The following FBXL4 variants were observed in gnomAD, a reference collection of about 807,000 sequenced individuals.
FBXL4 encodes the protein F-box/LRR-repeat protein 4.
Under a neutral mutation model 58.9 loss-of-function variants are expected in FBXL4, and 40 were observed. The ratio of observed to expected loss-of-function variants is 0.68; its 90% CI spans 0.53 to 0.88. The LOEUF is 0.88. Among genes scored for constraint, FBXL4 ranks in the 40% least tolerant of loss-of-function variants. FBXL4 has a pLI of 0.00. For synonymous variants in FBXL4, 263 were observed against 265.5 expected (o/e 0.99, Z 0.09); for missense variants, 676 against 734.4 (o/e 0.92, Z 0.92).
chr6:98,899,670 C>T (rs961837912), intron 6 of FBXL4, among the ~76,000 whole-genome samples, 189 bp from the exon 7 acceptor site: 1 of 152,044 alleles, frequency 6.6e-6, no homozygotes, highest in African/African-American at 2.4e-5. Flanking sequence ...CTAAAAAAAT[C>T]AACTTGAGAG....
chr6:98,897,228 A>C, intron 7 of FBXL4: 1 of 985,342 alleles, frequency 1.0e-6, no homozygotes, highest in Non-Finnish European at 1.2e-6. Context: ...TAAAATAGTA[A>C]ATGTGCCAGT....
chr6:98,896,706 T>TAA, intron 7 of FBXL4: 2 of 807,926 alleles, frequency 2.5e-6, no homozygotes, highest in Non-Finnish European at 3.0e-6. Context: ...GATGAGCCAA[T>TAA]AAAAAAAATT....
chr6:98,878,657 C>G (rs1770740032), intron 8 of FBXL4, among the ~76,000 whole-genome samples: 1 of 151,978 alleles, frequency 6.6e-6, no homozygotes, highest in East Asian at 1.9e-4. Context: ...ATAATTCCAA[C>G]AGTAAAGAGT....
At chr6:98,916,955 G>C (rs958545019) in intron 5 of FBXL4, among the ~76,000 whole-genome samples, 1 of 151,626 alleles carries the variant, frequency 6.6e-6, no homozygotes. Flanking sequence ...AGAAACTACA[G>C]ATTAAACAGA....
chr6:98,932,541 A>C (rs1342319608), intron 2 of FBXL4, among the ~76,000 whole-genome samples: 10 of 152,232 alleles, frequency 6.6e-5, no homozygotes. Context: ...TATGTTTCCT[A>C]CTGAGATTTG....
At chr6:98,893,086 T>C (rs1306616410) in intron 7 of FBXL4, among the ~76,000 whole-genome samples, 1 of 152,070 alleles carries the variant, frequency 6.6e-6, no homozygotes, top group East Asian at 1.9e-4. Flanking sequence ...CACCCCTGAC[T>C]CCAGATTTTT....
At chr6:98,930,296 T>C (rs1407417230) in intron 2 of FBXL4, among the ~76,000 whole-genome samples, 2 of 152,208 alleles carry the variant, frequency 1.3e-5, no homozygotes, top group African/African-American at 4.8e-5. Flanking sequence ...GGCTCACACC[T>C]GTAATCCCAG....
In FBXL4 at chr6:98,874,327, A is replaced by C; in HGVS notation, c.1817T>G (p.Leu606Arg). 1 of 1,607,306 alleles carries C rather than the reference A, an allele frequency of 6.2e-7. No homozygotes were observed. The highest frequency in any genetic ancestry group is 1.7e-5 in the Admixed American group (1 of 57,826). Residue 606 changes from leucine (L) to arginine (R), a missense_variant, in exon 10 of 10, where the codon CTG (leucine) becomes CGG (arginine). Transcript: ENST00000369244. ...SQIDNRAVLE[L>R]NASFPKVFIK... is the part of the protein sequence containing the mutation. ...GAACACTTTTGGAAAGCTTGCATTC[A>C]GTTCTAGCACAGCTCTGTTATCAAT... is the stretch of plus-strand genomic sequence containing the variant.
At chr6:98,894,272 T>C (rs781235133) in intron 7 of FBXL4, among the ~76,000 whole-genome samples, 20 of 152,158 alleles carry the variant, frequency 1.3e-4, no homozygotes, top group Admixed American at 2.6e-4. Context: ...AAGAATCTTA[T>C]GAAAAGAAAA....
At chr6:98,940,603 A>T (rs1773397694) in intron 1 of FBXL4, among the ~76,000 whole-genome samples, 1 of 152,038 alleles carries the variant, frequency 6.6e-6, no homozygotes, top group Non-Finnish European at 1.5e-5. Flanking sequence ...TCTTTAGTGC[A>T]GTGTCTATTT....
intron 1 of FBXL4, 27 bp from the exon 2 acceptor site, chr6:98,934,906 A>G (rs1773149163): frequency 6.6e-6 from 1 of 152,204 alleles, no homozygotes; most frequent in African/African-American, 2.4e-5. Context: ...AATCTCAAAA[A>G]CCAGAGGTAA....
At chr6:98,898,088 G>A (rs1773814102) in intron 7 of FBXL4, among the ~76,000 whole-genome samples, 1 of 152,100 alleles carries the variant, frequency 6.6e-6, no homozygotes, top group Non-Finnish European at 1.5e-5. Flanking sequence ...TTGATGATAT[G>A]AAGGAAACAA....
In FBXL4 at chr6:98,868,966, C is replaced by T. The variant is rs1226582737; in HGVS notation, c.*5312G>A. 6.6e-6 allele frequency: 1 copy of T among 152,044 alleles called. No individual in the cohort carries two copies. Among genetic ancestry groups the T allele is most frequent in the Admixed American group, 6.6e-5 (1 of 15,254 alleles). The allele number at this position is 152,044 out of a possible 1,614,324, so 9.4% of individuals were successfully genotyped here. ...GCTGTGCCAAAGGAATAATCTTGGC[C>T]CCATCCCTACTTATAAAAAATATAT... On this transcript the variant is annotated 3_prime_UTR_variant, in exon 10 of 10. Transcript: ENST00000369244.
At chr6:98,897,939 T>C (rs1289240644) in intron 7 of FBXL4, among the ~76,000 whole-genome samples, 1 of 152,202 alleles carries the variant, frequency 6.6e-6, no homozygotes, top group Non-Finnish European at 1.5e-5. Context: ...CCAAGTACTA[T>C]TCTAGATTCT....
chr6:98,938,740 C>T (rs1773316616), intron 1 of FBXL4, among the ~76,000 whole-genome samples: 1 of 151,948 alleles, frequency 6.6e-6, no homozygotes, highest in Non-Finnish European at 1.5e-5. Flanking sequence ...TAATAAATGT[C>T]TTTTGTGGCA....
At chr6:98,942,292 G>A (rs1020876050) in intron 1 of FBXL4, among the ~76,000 whole-genome samples, 4 of 151,784 alleles carry the variant, frequency 2.6e-5, no homozygotes, top group East Asian at 3.9e-4. Context: ...TAAGTGATAC[G>A]ATACTAGCAA....
Position 98,874,161 on chromosome 6 carries a change from A to T in FBXL4, c.*117T>A. The T allele has an allele frequency of 1.4e-6, 1 of 739,714 alleles. No homozygotes were observed. Among genetic ancestry groups the T allele is most frequent in the Non-Finnish European group, 2.0e-6 (1 of 494,914 alleles). The allele number at this position is 739,714 out of a possible 1,614,324, so 45.8% of individuals were successfully genotyped here. Reference sequence around the variant, plus strand: ...AATGGACAATTTCATATTTTTCTTTAAAATCTACAAATGTCTTAATTCTTA... The same window carrying T: ...AATGGACAATTTCATATTTTTCTTTTAAATCTACAAATGTCTTAATTCTTA... On this transcript the variant is annotated 3_prime_UTR_variant, in exon 10 of 10. Transcript: ENST00000369244.
intron 8 of FBXL4, 69 bp from the exon 9 acceptor site, chr6:98,875,796 G>A: frequency 6.9e-7 from 1 of 1,445,882 alleles, no homozygotes. Context: ...GAGTAAGTCA[G>A]ATTCTTAATT....
At chr6:98,916,013 AAC>A (rs1401135330) in intron 5 of FBXL4, among the ~76,000 whole-genome samples, 1 of 152,260 alleles carries the variant, frequency 6.6e-6, no homozygotes, top group East Asian at 1.9e-4. Flanking sequence ...GAAGGATATG[AAC>A]AGACACTTCT....
Sources: gnomAD v4.1 joint callset for allele counts (sites outside exome capture counted in the v4.1 genomes callset) on GRCh38, gnomAD v4.1.1 for gene constraint, MANE v1.5 for transcripts, NCBI Gene and HGNC (gene_info 2026-07-23, HGNC 2026-07-21) for gene names.